The following AP2B1 variants were observed in gnomAD, a reference collection of about 807,000 sequenced individuals.
The protein encoded by AP2B1 is AP-2 complex subunit beta.
Under a neutral mutation model 102.0 loss-of-function variants are expected in AP2B1, and 23 were observed. The ratio of observed to expected loss-of-function variants is 0.23; its 90% CI spans 0.16 to 0.32. The LOEUF (loss-of-function observed/expected upper bound fraction) is 0.32, where lower values mean the gene tolerates loss of function less well. Among genes scored for constraint, AP2B1 ranks in the 10% least tolerant of loss-of-function variants. AP2B1 has a pLI of 1.00. For synonymous variants in AP2B1, 381 were observed against 421.2 expected, an observed-to-expected ratio of 0.90 and a Z score of 1.17; for missense variants, 541 against 1,157.4, an observed-to-expected ratio of 0.47 and a Z score of 7.73.
intron 18 of AP2B1, among the ~76,000 whole-genome samples, chr17:35,700,650 T>C (rs754796770): frequency 3.9e-5 from 6 of 152,152 alleles, no homozygotes; most frequent in Non-Finnish European, 8.8e-5. Context: ...TTTATAGTAC[T>C]TTTGAGTATA....
At chr17:35,593,960 G>C in intron 1 of AP2B1, 48 bp from the exon 2 acceptor site, 2 of 1,019,850 alleles carry the variant, frequency 2.0e-6, no homozygotes, top group Non-Finnish European at 2.8e-6. Flanking sequence ...TGGATGCCTT[G>C]TTGGATATCT....
At chr17:35,608,512 G>C in intron 5 of AP2B1, 125 bp downstream of exon 5, 3 of 1,173,748 alleles carry the variant, frequency 2.6e-6, no homozygotes, top group South Asian at 1.5e-5. Flanking sequence ...ACATGACTTT[G>C]TGTGTCTCAC....
At chr17:35,587,569 C>T (rs1476601101) in intron 1 of AP2B1, 141 bp downstream of exon 1, 1 of 152,596 alleles carries the variant, frequency 6.6e-6, no homozygotes, top group Non-Finnish European at 1.5e-5. Context: ...TGCAGGGAAC[C>T]GTCGGGTGTG....
chr17:35,690,570 A>G (rs2076021308), intron 18 of AP2B1, among the ~76,000 whole-genome samples: 1 of 152,194 alleles, frequency 6.6e-6, no homozygotes, highest in Non-Finnish European at 1.5e-5. Flanking sequence ...GTCCAGCAGT[A>G]TAGAATCGGG....
chr17:35,646,955 C>T (rs925565741), intron 12 of AP2B1, among the ~76,000 whole-genome samples: 1 of 151,968 alleles, frequency 6.6e-6, no homozygotes, highest in Admixed American at 6.6e-5. Context: ...GTTTACATTA[C>T]ATATGGGAGA....
chr17:35,659,742 A>G, intron 14 of AP2B1: 1 of 935,540 alleles, frequency 1.1e-6, no homozygotes, highest in African/African-American at 1.8e-5. Flanking sequence ...TGGGATCTAA[A>G]ATGGTATCCT....
intron 18 of AP2B1, among the ~76,000 whole-genome samples, chr17:35,702,493 C>T (rs1404929609): frequency 2.0e-5 from 3 of 152,124 alleles, no homozygotes; most frequent in Admixed American, 6.5e-5. Context: ...AGTATTAGCA[C>T]GACCTCAGAG....
chr17:35,630,317 A>T (rs1364809452), intron 9 of AP2B1, among the ~76,000 whole-genome samples: 2 of 152,236 alleles, frequency 1.3e-5, no homozygotes, highest in Non-Finnish European at 2.9e-5. Context: ...GAGAAATGTT[A>T]AAGTCTTTTT....
chr17:35,620,272 G>A (rs2074136114), intron 5 of AP2B1, among the ~76,000 whole-genome samples: 1 of 151,874 alleles, frequency 6.6e-6, no homozygotes, highest in Admixed American at 6.6e-5. Flanking sequence ...CATGAGGCCA[G>A]GAATTTGAGA....
rs1334010837 is a variant in AP2B1, at chr17:35,627,735, C to G, written c.1155+9C>G. 1 of 1,612,186 alleles carries G rather than the reference C, an allele frequency of 6.2e-7. No homozygotes were observed. The highest frequency in any genetic ancestry group is 2.2e-5 in the East Asian group (1 of 44,874). On this transcript the variant is annotated intron_variant, in intron 9 of 21. Coordinates refer to ENST00000610402, the MANE Select transcript of AP2B1 (RefSeq NM_001030006.2). ...GTGCCATCAAGGTGGAGGCAAGTGT[C>G]TGATGGTAGTTAGGATCATGTATTG...
chr17:35,724,354 A>T lies in AP2B1; in HGVS notation c.*655A>T, dbSNP rs1193318556. ...TCATGCTTCCCCCTTTCCATATTAT[A>T]ATCTCATTTGATTGCTCTGCAGTTG... On this transcript the variant is annotated 3_prime_UTR_variant, in exon 22 of 22. Coordinates refer to ENST00000610402, the MANE Select transcript of AP2B1 (RefSeq NM_001030006.2). 6.6e-6 allele frequency: 1 copy of T among 152,088 alleles called. No homozygotes were observed. The highest frequency in any genetic ancestry group is 1.5e-5 in the Non-Finnish European group (1 of 68,038). 9.4% of individuals were successfully genotyped at this position (152,088 alleles called of 1,614,324 possible). A position where few individuals can be genotyped will look rare whatever the true frequency, so the allele number is the denominator to read the frequency against.
At chr17:35,594,337 G>A (rs932601690) in intron 2 of AP2B1, among the ~76,000 whole-genome samples, 7 of 152,202 alleles carry the variant, frequency 4.6e-5, no homozygotes, top group Non-Finnish European at 8.8e-5. Flanking sequence ...ATCCATTGGA[G>A]ATTGGTTAAG....
At chr17:35,587,816 A>T (rs1285184951) in intron 1 of AP2B1, 1 of 152,204 alleles carries the variant, frequency 6.6e-6, no homozygotes, top group East Asian at 1.9e-4. Context: ...AGACGTGTCC[A>T]GCAAGCCAAA....
intron 5 of AP2B1, among the ~76,000 whole-genome samples, chr17:35,614,217 A>G (rs945692569): frequency 5.9e-5 from 9 of 152,020 alleles, no homozygotes; most frequent in Non-Finnish European, 1.0e-4. Flanking sequence ...ATTTTTTGAG[A>G]GACCTGGTCT....
intron 9 of AP2B1, among the ~76,000 whole-genome samples, chr17:35,629,023 A>G (rs1166813713): frequency 1.3e-5 from 2 of 151,712 alleles, no homozygotes. Context: ...ATCTCGGCTC[A>G]CTGCAACCTC....
At chr17:35,604,928 G>GT (rs974112662) in intron 3 of AP2B1, among the ~76,000 whole-genome samples, 7 of 151,810 alleles carry the variant, frequency 4.6e-5, no homozygotes, top group South Asian at 2.1e-4. Flanking sequence ...TTTTTTTCTT[G>GT]TTTTTTTTGG....
intron 1 of AP2B1, among the ~76,000 whole-genome samples, chr17:35,589,601 G>A (rs1376784266): frequency 6.6e-6 from 1 of 152,196 alleles, no homozygotes; most frequent in African/African-American, 2.4e-5. Context: ...TCCTGTGCAG[G>A]GAGGCCTTCT....
chr17:35,668,342 T>C (rs1160665118), intron 14 of AP2B1, among the ~76,000 whole-genome samples: 2 of 152,154 alleles, frequency 1.3e-5, no homozygotes, highest in African/African-American at 2.4e-5. Context: ...AACGGCAGTG[T>C]TTTCAACCTT....
chr17:35,617,777 G>A (rs771935825), intron 5 of AP2B1, among the ~76,000 whole-genome samples: 1 of 152,150 alleles, frequency 6.6e-6, no homozygotes, highest in Non-Finnish European at 1.5e-5. Flanking sequence ...ATCATAAGTG[G>A]TGTGATAATA....
Sources: gnomAD v4.1 joint callset for allele counts (sites outside exome capture counted in the v4.1 genomes callset) on GRCh38, gnomAD v4.1.1 for gene constraint, MANE v1.5 for transcripts, NCBI Gene and HGNC (gene_info 2026-07-23, HGNC 2026-07-21) for gene names.